Variants in ZFAT observed in about 807,000 individuals in gnomAD.
ZFAT encodes zinc finger protein ZFAT.
Under a neutral mutation model 117.7 loss-of-function variants are expected in ZFAT, and 64 were observed. The ratio of observed to expected loss-of-function variants is 0.54; its 90% CI spans 0.44 to 0.67. The LOEUF is 0.67. Among genes scored for constraint, ZFAT ranks in the 30% least tolerant of loss-of-function variants. ZFAT has a pLI of 0.00. For missense variants in ZFAT, 1,433 were observed against 1,584.5 expected, an observed-to-expected ratio of 0.90 and a Z score of 1.62; for synonymous variants, 679 against 615.0, an observed-to-expected ratio of 1.10 and a Z score of -1.54.
chr8:134,497,267 C>A (rs952849831), intron 15 of ZFAT, among the ~76,000 whole-genome samples: 5 of 152,242 alleles, frequency 3.3e-5, no homozygotes, highest in African/African-American at 4.8e-5. Flanking sequence ...TCTAAAAGAT[C>A]GCCCTGGCTT....
intron 1 of ZFAT, among the ~76,000 whole-genome samples, chr8:134,710,806 C>G (rs1813964474): frequency 6.6e-6 from 1 of 152,212 alleles, no homozygotes; most frequent in Non-Finnish European, 1.5e-5. Context: ...GTGTCACTAT[C>G]TCAGCCACAC....
chr8:134,818,176 G>C, the ZFAT span, among the ~76,000 whole-genome samples: 25 of 152,224 alleles, frequency 1.6e-4, no homozygotes, highest in African/African-American at 6.0e-4. Context: ...CCCTTCAAAA[G>C]ACATTGTTAA....
intron 11 of ZFAT, among the ~76,000 whole-genome samples, chr8:134,547,797 A>T (rs982304137): frequency 1.3e-5 from 2 of 152,230 alleles, no homozygotes; most frequent in Non-Finnish European, 2.9e-5. Flanking sequence ...GTGATCCTTC[A>T]GCATCCTCCA....
intron 3 of ZFAT, among the ~76,000 whole-genome samples, chr8:134,628,133 G>C (rs1829646734): frequency 6.6e-6 from 1 of 152,208 alleles, no homozygotes; most frequent in Non-Finnish European, 1.5e-5. Flanking sequence ...CACAGGAGAG[G>C]GTTGTGGCAT....
intron 15 of ZFAT, among the ~76,000 whole-genome samples, chr8:134,486,419 G>A (rs1027081804): frequency 2.6e-5 from 4 of 152,048 alleles, no homozygotes; most frequent in East Asian, 3.9e-4. Flanking sequence ...AGGTCATTTC[G>A]CTTCAGGCAT....
At chr8:134,638,837 C>A (rs1830416232) in intron 2 of ZFAT, among the ~76,000 whole-genome samples, 1 of 152,038 alleles carries the variant, frequency 6.6e-6, no homozygotes, top group Non-Finnish European at 1.5e-5. Context: ...GGAGATGTCC[C>A]TGAGCGAGAC....
chr8:134,712,864 G>A lies in ZFAT; in HGVS notation c.-1C>T. ...GCTCACCTGCCGCCCGCGTCTCCAT[G>A]GCAACGCCCCACCGCGGAGGAAAAA... On this transcript the variant is annotated 5_prime_UTR_variant, in exon 1 of 16. Coordinates refer to ENST00000377838, the MANE Select transcript of ZFAT (RefSeq NM_020863.4). 3 of 1,470,976 alleles carry A rather than the reference G, an allele frequency of 2.0e-6. No homozygotes were observed. The highest frequency in any genetic ancestry group is 2.7e-6 in the Non-Finnish European group (3 of 1,110,440). 91.1% of individuals were successfully genotyped at this position (1,470,976 alleles called of 1,614,324 possible).
intron 2 of ZFAT, among the ~76,000 whole-genome samples, chr8:134,650,316 C>T (rs147193172): frequency 0.029 from 4,354 of 151,650 alleles, 110 homozygotes; most frequent in Non-Finnish European, 0.043. Flanking sequence ...TTAGTAGAGA[C>T]GGGGTGTCAC....
chr8:134,573,615 A>G (rs1033876771), intron 10 of ZFAT, among the ~76,000 whole-genome samples: 1 of 152,198 alleles, frequency 6.6e-6, no homozygotes, highest in African/African-American at 2.4e-5. Context: ...TCCCTTAAAA[A>G]ATGTGTGATC....
At chr8:134,484,547 A>C (rs192300954) in intron 15 of ZFAT, among the ~76,000 whole-genome samples, 1 of 152,292 alleles carries the variant, frequency 6.6e-6, no homozygotes, top group East Asian at 1.9e-4. Flanking sequence ...CAATCACCTT[A>C]TTCTATGGAA....
At chr8:134,673,615 T>C (rs1832658914) in intron 1 of ZFAT, 2 of 152,736 alleles carry the variant, frequency 1.3e-5, no homozygotes, top group Admixed American at 6.5e-5. Context: ...ATGAATTCTA[T>C]GATGTGTTCT....
intron 11 of ZFAT, among the ~76,000 whole-genome samples, chr8:134,544,443 G>GA (rs1254026817): frequency 3.0e-5 from 2 of 66,296 alleles, no homozygotes; most frequent in Non-Finnish European, 6.5e-5. Context: ...AAATCTGGTT[G>GA]AAATTTTTTT....
the ZFAT span, among the ~76,000 whole-genome samples, chr8:134,770,268 C>T: frequency 1.3e-5 from 2 of 152,154 alleles, no homozygotes; most frequent in South Asian, 2.1e-4. Context: ...TGAATTGTTG[C>T]GGGAAGTCAG....
intron 11 of ZFAT, among the ~76,000 whole-genome samples, chr8:134,553,016 C>T (rs1386545600): frequency 6.6e-6 from 1 of 152,040 alleles, no homozygotes; most frequent in Admixed American, 6.6e-5. Context: ...CTGTGCGATG[C>T]AAAAAATGGG....
At chr8:134,506,663 T>C (rs1182580876) in intron 15 of ZFAT, among the ~76,000 whole-genome samples, 1 of 152,220 alleles carries the variant, frequency 6.6e-6, no homozygotes, top group Non-Finnish European at 1.5e-5. Flanking sequence ...AATTTTGATA[T>C]ATAAGATTCT....
At position 134,619,707 on chromosome 8, in the gene ZFAT, A is replaced by C. The variant is rs113312490; in HGVS notation, c.449-9052T>G. 9.7e-3 allele frequency among the ~76,000 whole-genome samples: 1,470 copies of C among 152,316 alleles called. 19 individuals are homozygous for C. The highest frequency in any genetic ancestry group is 0.033 in the African/African-American group (1,377 of 41,562). ...GGGAAAGTCATCCAGTCATTAAACAAATAGCAAGGGAAGGCCTCTTGCAGC... is the reference window on the plus strand; with the variant it reads ...GGGAAAGTCATCCAGTCATTAAACACATAGCAAGGGAAGGCCTCTTGCAGC... On this transcript the variant is annotated intron_variant, in intron 3 of 15. Coordinates refer to ENST00000377838, the MANE Select transcript of ZFAT (RefSeq NM_020863.4).
At chr8:134,527,322 T>C (rs1051737456) in intron 12 of ZFAT, among the ~76,000 whole-genome samples, 4 of 152,182 alleles carry the variant, frequency 2.6e-5, no homozygotes, top group Non-Finnish European at 4.4e-5. Flanking sequence ...AATAAAACTG[T>C]GTTGTTTTAA....
intron 9 of ZFAT, among the ~76,000 whole-genome samples, chr8:134,587,922 C>G (rs1296876942): frequency 1.3e-5 from 2 of 152,210 alleles, no homozygotes; most frequent in African/African-American, 4.8e-5. Context: ...AGGGTGGGCA[C>G]TGGAGTTCCT....
the ZFAT span, among the ~76,000 whole-genome samples, chr8:134,770,254 A>C: frequency 6.6e-6 from 1 of 152,184 alleles, no homozygotes; most frequent in Non-Finnish European, 1.5e-5. Flanking sequence ...TTCCCTCATA[A>C]AACTGAATTG....
Sources: allele counts gnomAD v4.1 joint callset (sites outside exome capture counted in the v4.1 genomes callset), GRCh38; gene constraint gnomAD v4.1.1; transcripts MANE v1.5; gene names NCBI Gene and HGNC (gene_info 2026-07-23, HGNC 2026-07-21).